ZNF710: variants seen among roughly 807,000 people sequenced by gnomAD.
ZNF710 encodes the protein zinc finger protein 710.
In ZNF710, 13 loss-of-function variants were observed where a neutral mutation model predicts 50.6. That is an observed-to-expected ratio of 0.26 (90% CI 0.17 to 0.41). ZNF710 has a LOEUF of 0.41. ZNF710 is among the 10% of genes least tolerant of loss of function. ZNF710 has a pLI of 1.00. For missense variants in ZNF710, 721 were observed against 936.6 expected, an observed-to-expected ratio of 0.77 and a Z score of 3.01; for synonymous variants, 383 against 397.0, an observed-to-expected ratio of 0.96 and a Z score of 0.42.
chr15:90,042,732 C>T (rs763990982), intron 1 of ZNF710, among the ~76,000 whole-genome samples: 3 of 152,212 alleles, frequency 2.0e-5, no homozygotes, highest in Non-Finnish European at 4.4e-5. Flanking sequence ...TTGGGAGACA[C>T]ACGGTCACTA....
At chr15:90,012,073 C>T (rs780615713) in intron 1 of ZNF710, among the ~76,000 whole-genome samples, 1 of 151,886 alleles carries the variant, frequency 6.6e-6, no homozygotes, top group African/African-American at 2.4e-5. Flanking sequence ...AGTGTGGTGG[C>T]GTGTGCCTGT....
chr15:90,056,362 C>T (rs901043017), intron 1 of ZNF710, among the ~76,000 whole-genome samples: 1 of 151,986 alleles, frequency 6.6e-6, no homozygotes, highest in African/African-American at 2.4e-5. Flanking sequence ...TGCGGTGAGC[C>T]GAGATCATAC....
intron 1 of ZNF710, among the ~76,000 whole-genome samples, chr15:90,021,017 C>CA (rs1555456025): frequency 1.2e-4 from 13 of 106,902 alleles, no homozygotes; most frequent in South Asian, 5.3e-4. Flanking sequence ...GCACCCCCCC[C>CA]CCCTTAGCAG....
chr15:90,015,364 CA>C (rs1428574941), intron 1 of ZNF710, among the ~76,000 whole-genome samples: 3 of 152,132 alleles, frequency 2.0e-5, no homozygotes, highest in Non-Finnish European at 2.9e-5. Context: ...TAAATCAGTA[CA>C]ACTTTTATGG....
intron 2 of ZNF710, among the ~76,000 whole-genome samples, chr15:90,071,409 C>A (rs1900379395): frequency 6.6e-6 from 1 of 152,140 alleles, no homozygotes; most frequent in Non-Finnish European, 1.5e-5. Flanking sequence ...ATAAAAGAAA[C>A]TCCTGAATGG....
chr15:90,071,950 A>G (rs1377871500), intron 2 of ZNF710, among the ~76,000 whole-genome samples: 2 of 152,144 alleles, frequency 1.3e-5, no homozygotes, highest in African/African-American at 4.8e-5. Context: ...CTGGGATTAC[A>G]GGCATGAGCC....
chr15:90,025,928 C>A (rs1029879789), intron 1 of ZNF710: 1 of 152,062 alleles, frequency 6.6e-6, no homozygotes, highest in Non-Finnish European at 1.5e-5. Flanking sequence ...ATGCCACATA[C>A]CCAAACCTAT....
rs75188126 is a variant in ZNF710 at position 90,068,711 on chromosome 15, G to A, written c.1458+116G>A. On this transcript the variant is annotated intron_variant, in intron 2 of 4. Transcript: ENST00000268154. The surrounding 1 kb of genome is among the most constrained non-coding windows in gnomAD (Gnocchi z 5.0). ...GGTGGTCTCCTAGTTTTATCGTTACGTACTTATTTTGATGAGTATTAGAAA... is the reference window on the plus strand; with the variant it reads ...GGTGGTCTCCTAGTTTTATCGTTACATACTTATTTTGATGAGTATTAGAAA... 5.2e-5 allele frequency: 62 copies of A among 1,189,838 alleles called. No individual in the cohort carries two copies. The highest frequency in any genetic ancestry group is 3.8e-4 in the South Asian group (25 of 65,274). The allele number at this position is 1,189,838 out of a possible 1,614,324, so 73.7% of individuals were successfully genotyped here.
At chr15:90,054,186 G>A (rs879663033) in intron 1 of ZNF710, among the ~76,000 whole-genome samples, 15 of 152,164 alleles carry the variant, frequency 9.9e-5, no homozygotes, top group Admixed American at 9.8e-4. Flanking sequence ...GCGATGAGGG[G>A]AGAGATGAAA....
intron 1 of ZNF710, among the ~76,000 whole-genome samples, chr15:90,022,021 G>T (rs1898639295): frequency 2.0e-5 from 3 of 152,124 alleles, no homozygotes; most frequent in Non-Finnish European, 4.4e-5. Context: ...GGCAGAGGTT[G>T]CAGTGAGCTG....
At chr15:90,030,216 C>T (rs1012329483) in intron 1 of ZNF710, among the ~76,000 whole-genome samples, 4 of 145,054 alleles carry the variant, frequency 2.8e-5, no homozygotes, top group Non-Finnish European at 6.0e-5. Context: ...GTGATCCCAG[C>T]TATTTGGGAG....
intron 1 of ZNF710, among the ~76,000 whole-genome samples, chr15:90,020,338 C>A (rs960204818): frequency 2.6e-5 from 4 of 152,192 alleles, no homozygotes; most frequent in African/African-American, 7.2e-5. Flanking sequence ...ACCTCACAGC[C>A]CCTTCCCTCC....
Position 90,034,469 on chromosome 15 carries a change from TG to T in ZNF710, c.-28-32640del, listed in dbSNP as rs1899051740. Among the ~76,000 whole-genome samples the T allele has an allele frequency of 6.8e-6, 1 of 147,220 alleles. No homozygotes were observed. Among genetic ancestry groups the T allele is most frequent in the Non-Finnish European group, 1.5e-5 (1 of 67,660 alleles). ...GTGTGTGTGTGTGTGTGTGTGTGTG[TG>T]TGTGTATTCTGTGCCTGTGGTGGTG... On this transcript the variant is annotated intron_variant, in intron 1 of 4. Coordinates refer to ENST00000268154, the MANE Select transcript of ZNF710 (RefSeq NM_198526.4). This position sits in a 1 kb window ranked among gnomAD's most constrained non-coding sequence, Gnocchi z 4.0.
intron 1 of ZNF710, among the ~76,000 whole-genome samples, chr15:90,010,949 G>A (rs1308007923): frequency 2.0e-5 from 1 of 49,656 alleles, no homozygotes; most frequent in East Asian, 5.7e-4. Flanking sequence ...TTTTTTTTTT[G>A]AGACGGAGTC....
chr15:90,033,377 G>A (rs984168162), intron 1 of ZNF710, among the ~76,000 whole-genome samples: 2 of 152,322 alleles, frequency 1.3e-5, no homozygotes, highest in East Asian at 1.9e-4. Context: ...AGCGGGAGGT[G>A]TGCTTTTTAA....
At chr15:90,020,663 G>A (rs1898589573) in intron 1 of ZNF710, among the ~76,000 whole-genome samples, 1 of 152,248 alleles carries the variant, frequency 6.6e-6, no homozygotes, top group Non-Finnish European at 1.5e-5. Flanking sequence ...TTCCCCTGGG[G>A]TGGGCTTTGT....
intron 1 of ZNF710, among the ~76,000 whole-genome samples, chr15:90,031,988 G>A (rs954678564): frequency 2.0e-5 from 3 of 152,214 alleles, no homozygotes; most frequent in African/African-American, 7.2e-5. Flanking sequence ...ATTGTGTACT[G>A]AGTATTGACT....
rs1406592028 is a variant in ZNF710 at position 90,034,456 on chromosome 15, GTGTGTGT to G, written c.-28-32653_-28-32647del. 6.6e-6 allele frequency among the ~76,000 whole-genome samples: 1 copy of G among 151,352 alleles called. No individual in the cohort carries two copies. The highest frequency in any genetic ancestry group is 1.9e-4 in the East Asian group (1 of 5,154). Reference sequence around the variant, plus strand: ...TGTGTGTGTGTGTGTGTGTGTGTGTGTGTGTGTGTGTGTGTGTGTATTCTGTGCCTGT... The same window carrying G: ...TGTGTGTGTGTGTGTGTGTGTGTGTGGTGTGTGTGTGTATTCTGTGCCTGT... On this transcript the variant is annotated intron_variant, in intron 1 of 4. Coordinates refer to ENST00000268154, the MANE Select transcript of ZNF710 (RefSeq NM_198526.4). The surrounding 1 kb of genome is among the most constrained non-coding windows in gnomAD (Gnocchi z 4.0).
intron 1 of ZNF710, among the ~76,000 whole-genome samples, chr15:90,019,953 G>A (rs994702429): frequency 6.6e-6 from 1 of 152,264 alleles, no homozygotes; most frequent in African/African-American, 2.4e-5. Context: ...GTGCTTATTG[G>A]GGGGCGGTGA....
Sources: allele counts gnomAD v4.1 joint callset (sites outside exome capture counted in the v4.1 genomes callset), GRCh38; gene constraint gnomAD v4.1.1; non-coding constraint Gnocchi (gnomAD v3.1); transcripts MANE v1.5; gene names NCBI Gene and HGNC (gene_info 2026-07-23, HGNC 2026-07-21).